OR4K1: variants seen among roughly 807,000 people sequenced by gnomAD.
OR4K1 encodes the protein olfactory receptor family 4 subfamily K member 1, also known as olfactory receptor 4K1.
Under a neutral mutation model 14.4 loss-of-function variants are expected in OR4K1, and 16 were observed. The ratio of observed to expected loss-of-function variants is 1.11; its 90% CI spans 0.75 to 1.68. OR4K1 has a LOEUF of 1.68. OR4K1 is among the 40% of genes most tolerant of loss of function. OR4K1 has a pLI of 0.00. For missense variants in OR4K1, 548 were observed against 376.9 expected, an observed-to-expected ratio of 1.45 and a Z score of -3.76; for synonymous variants, 181 against 133.1, an observed-to-expected ratio of 1.36 and a Z score of -2.48.
chr14:19,925,080 T>C, the OR4K1 span, among the ~76,000 whole-genome samples: 1 of 152,246 alleles, frequency 6.6e-6, no homozygotes, highest in African/African-American at 2.4e-5. Context: ...TCCTCTGGTT[T>C]ACAGATCCTA....
the OR4K1 span, chr14:19,920,651 G>A: frequency 6.2e-7 from 1 of 1,613,640 alleles, no homozygotes; most frequent in Non-Finnish European, 8.5e-7. Context: ...TTGTACTGTT[G>A]GGACTCTGTA....
At chr14:19,934,801 G>C (rs957091673) in intron 1 of OR4K1, among the ~76,000 whole-genome samples, 10 of 152,132 alleles carry the variant, frequency 6.6e-5, no homozygotes, top group Admixed American at 2.6e-4. Context: ...CTCCCAAGTA[G>C]GGGGGAATAC....
intron 1 of OR4K1, among the ~76,000 whole-genome samples, chr14:19,932,969 CTT>C (rs1344985017): frequency 2.4e-4 from 21 of 88,448 alleles, no homozygotes; most frequent in African/African-American, 4.9e-4. Flanking sequence ...ATTTATAACA[CTT>C]ATAAATATAT....
chr14:19,928,253 A>G (rs1386741158), upstream of OR4K1, among the ~76,000 whole-genome samples: 1 of 152,194 alleles, frequency 6.6e-6, no homozygotes, highest in Non-Finnish European at 1.5e-5. Context: ...CTGTCCCAAC[A>G]ATTCTAGGAT....
chr14:19,925,316 C>T, the OR4K1 span, among the ~76,000 whole-genome samples: 1 of 152,148 alleles, frequency 6.6e-6, no homozygotes, highest in South Asian at 2.1e-4. Context: ...AGTCACCAAT[C>T]TCTTCAGTCT....
In OR4K1 at chr14:19,935,683, A is replaced by C. The variant is rs1882289623; in HGVS notation, c.17A>C (p.Glu6Ala). The change falls in exon 2 of 2, where the codon GAA becomes GCA. Residue 6 changes from glutamate to alanine, a missense_variant. Coordinates refer to ENST00000641172, the MANE Select transcript of OR4K1 (RefSeq NM_001004063.3). MAHTN[E>A]SMVSEFVLLG... is the part of the protein sequence containing the mutation. ...ATTGGATACATGGCTCACACAAATG[A>C]ATCGATGGTGTCTGAGTTTGTACTT... is the stretch of plus-strand genomic sequence containing the variant. 1 of 1,600,934 alleles carries C rather than the reference A, an allele frequency of 6.2e-7. No individual in the cohort carries two copies. Among genetic ancestry groups the C allele is most frequent in the Non-Finnish European group, 8.5e-7 (1 of 1,175,582 alleles).
chr14:19,920,905 A>G, the OR4K1 span: 4 of 1,614,172 alleles, frequency 2.5e-6, no homozygotes, highest in South Asian at 4.4e-5. Context: ...TGCATAGCCC[A>G]AATTTTCTTT....
chr14:19,928,572 T>A (rs1187549101), upstream of OR4K1, among the ~76,000 whole-genome samples: 2 of 152,180 alleles, frequency 1.3e-5, no homozygotes, highest in Non-Finnish European at 2.9e-5. Context: ...ATAAATAGGG[T>A]TTTTATTTTT....
intron 1 of OR4K1, among the ~76,000 whole-genome samples, chr14:19,935,259 A>T (rs1397539090): frequency 6.6e-6 from 1 of 152,260 alleles, no homozygotes; most frequent in Non-Finnish European, 1.5e-5. Flanking sequence ...AACTTTAGAG[A>T]AGTTTTAGCA....
upstream of OR4K1, among the ~76,000 whole-genome samples, chr14:19,929,308 G>T (rs1882131093): frequency 1.4e-5 from 2 of 145,544 alleles, no homozygotes; most frequent in Non-Finnish European, 1.5e-5. Context: ...TTTATATATA[G>T]ATATATATAA....
At chr14:19,934,642 C>T (rs1882261759) in intron 1 of OR4K1, among the ~76,000 whole-genome samples, 1 of 151,998 alleles carries the variant, frequency 6.6e-6, no homozygotes, top group South Asian at 2.1e-4. Flanking sequence ...CAAATTGTTT[C>T]TATCATTTTC....
the OR4K1 span, chr14:19,921,460 T>C: frequency 6.2e-7 from 1 of 1,614,118 alleles, no homozygotes; most frequent in Non-Finnish European, 8.5e-7. Flanking sequence ...CTAAACCCCA[T>C]TATTTATACA....
At chr14:19,928,604 C>T (rs1356694199), upstream of OR4K1, among the ~76,000 whole-genome samples, 2 of 152,026 alleles carry the variant, frequency 1.3e-5, no homozygotes, top group African/African-American at 4.8e-5. Context: ...TTTTTTGCCT[C>T]TTAAATTAAA....
chr14:19,936,029 C>T lies in OR4K1; in HGVS notation c.363C>T (p.Asp121=), dbSNP rs1882308036. Residue 121 remains aspartate (D), a synonymous_variant, in exon 2 of 2, where the codon GAC becomes GAT. Transcript: ENST00000641172. ...TGTTGCTTGTAGCTATGGCATATGA[C>T]AGATTTATAGCCATATGTAAGCCTC... ...EMMLLVAMAY[D]RFIAICKPLH... The T allele has an allele frequency of 2.5e-6, 4 of 1,614,236 alleles. No homozygotes were observed. Among genetic ancestry groups the T allele is most frequent in the Non-Finnish European group, 3.4e-6 (4 of 1,180,038 alleles).
rs1417525675 is a variant in OR4K1, at chr14:19,936,201, T to C, written c.535T>C (p.Cys179Arg). The change falls in exon 2 of 2, where the codon TGT becomes CGT. Residue 179 changes from cysteine to arginine, a missense_variant. Coordinates refer to ENST00000641172, the MANE Select transcript of OR4K1 (RefSeq NM_001004063.3). ...CGPNEVDSFF[C>R]DLPLVIELAC... is the part of the protein sequence containing the mutation. ...TCCCAATGAGGTGGATAGCTTCTTT[T>C]GTGACCTTCCCTTGGTGATAGAGCT... 1.2e-6 allele frequency: 2 copies of C among 1,614,132 alleles called. No homozygotes were observed. The highest frequency in any genetic ancestry group is 2.7e-5 in the African/African-American group (2 of 74,950).
At chr14:19,924,075 G>T in the OR4K1 span, among the ~76,000 whole-genome samples, 3 of 152,208 alleles carry the variant, frequency 2.0e-5, no homozygotes, top group Non-Finnish European at 2.9e-5. Context: ...ATGCACTAAA[G>T]TGAAATTCAT....
At chr14:19,920,629 T>C in the OR4K1 span, 17 of 1,610,494 alleles carry the variant, frequency 1.1e-5, no homozygotes, top group African/African-American at 1.9e-4. Context: ...AATTCTTCAG[T>C]GGTGTCTGAA....
upstream of OR4K1, among the ~76,000 whole-genome samples, chr14:19,929,958 T>C (rs1264658969): frequency 6.6e-6 from 1 of 152,260 alleles, no homozygotes; most frequent in East Asian, 1.9e-4. Flanking sequence ...CATAAGTGTG[T>C]CCATTGATTT....
chr14:19,927,641 G>T (rs910833580), upstream of OR4K1, among the ~76,000 whole-genome samples: 1 of 152,224 alleles, frequency 6.6e-6, no homozygotes, highest in African/African-American at 2.4e-5. Context: ...TCTGTTGGCA[G>T]AAGGGAGTCA....
Sources: gnomAD v4.1 joint callset for allele counts (sites outside exome capture counted in the v4.1 genomes callset) on GRCh38, gnomAD v4.1.1 for gene constraint, MANE v1.5 for transcripts, NCBI Gene and HGNC (gene_info 2026-07-23, HGNC 2026-07-21) for gene names.